Variants in EIF4E3 observed in about 807,000 individuals in gnomAD.
The protein encoded by EIF4E3 is eukaryotic translation initiation factor 4E type 3.
EIF4E3 carries 26 observed loss-of-function variants against 31.7 expected under a neutral mutation model. That is an observed-to-expected ratio of 0.82 (90% confidence interval 0.60 to 1.14). The LOEUF is 1.14. Ranked by LOEUF, EIF4E3 falls within the 50% of genes most tolerant of loss-of-function variation. The probability of loss-of-function intolerance (pLI) is 0.00; values close to 1 mark genes in which losing one functional copy is unlikely to be tolerated. For missense variants in EIF4E3, 304 were observed against 270.9 expected (o/e 1.12, Z -0.86); for synonymous variants, 128 against 107.7 (o/e 1.19, Z -1.17).
rs115386501 is a variant in EIF4E3, at chr3:71,743,202, T to C, written c.-291+10261A>G. Among the ~76,000 whole-genome samples, 482 of 152,220 alleles carry C rather than the reference T, an allele frequency of 3.2e-3. 1 individual carries two copies. Among genetic ancestry groups the C allele is most frequent in the African/African-American group, 0.011 (463 of 41,562 alleles). On this transcript the variant is annotated intron_variant, in intron 1 of 7. Coordinates refer to the EIF4E3 transcript ENST00000295612. ...CATCCAGACTGAAAAAACGGTAACA[T>C]TGTCTATTCCAGACAAGACGCATGT...
At chr3:71,728,900 C>T (rs1367651312), upstream of EIF4E3, among the ~76,000 whole-genome samples, 3 of 152,232 alleles carry the variant, frequency 2.0e-5, no homozygotes, top group Non-Finnish European at 4.4e-5. Context: ...GGGTAACCTG[C>T]CCAAGGTCAC....
chr3:71,686,543 A>AGTGTGTGTGT (rs61264269), intron 6 of EIF4E3, among the ~76,000 whole-genome samples: 1,881 of 143,570 alleles, frequency 0.013, 14 homozygotes, highest in East Asian at 0.02. Flanking sequence ...TTTCACATTG[A>AGTGTGTGTGT]GTGTGTGTGT....
At chr3:71,742,979 T>C (rs556925406) in intron 1 of EIF4E3, among the ~76,000 whole-genome samples, 2 of 152,114 alleles carry the variant, frequency 1.3e-5, no homozygotes, top group African/African-American at 4.8e-5. Flanking sequence ...CTCAGCAAAG[T>C]AGGAATGGAA....
At chr3:71,668,341 T>C in the EIF4E3 span, among the ~76,000 whole-genome samples, 1 of 152,248 alleles carries the variant, frequency 6.6e-6, no homozygotes, top group African/African-American at 2.4e-5. Context: ...GACATAGGCA[T>C]GGGCAAAGAC....
At chr3:71,725,419 G>C (rs2049621804), upstream of EIF4E3, 1 of 973,028 alleles carries the variant, frequency 1.0e-6, no homozygotes, top group Non-Finnish European at 1.2e-6. The surrounding 1 kb of genome is among the most constrained non-coding windows in gnomAD (Gnocchi z 6.1). Context: ...CGGGGCGAGC[G>C]CGGCTGAGTC....
intron 3 of EIF4E3, among the ~76,000 whole-genome samples, chr3:71,698,239 G>C (rs549005522): frequency 1.6e-3 from 241 of 152,292 alleles, no homozygotes; most frequent in Non-Finnish European, 2.5e-3. Flanking sequence ...TGGCTACATG[G>C]GCAGGGAGGG....
At chr3:71,726,149 AC>A (rs140121882), upstream of EIF4E3, among the ~76,000 whole-genome samples, 10,827 of 152,170 alleles carry the variant, frequency 0.071, 490 homozygotes, top group Non-Finnish European at 0.098. Flanking sequence ...CCCCATCCCA[AC>A]CTCTGGAGCT....
chr3:71,697,472 T>A (rs1293594387), intron 3 of EIF4E3, among the ~76,000 whole-genome samples: 1 of 152,232 alleles, frequency 6.6e-6, no homozygotes, highest in Non-Finnish European at 1.5e-5. Context: ...CATAATAAAT[T>A]ATTGTTAACT....
the EIF4E3 span, among the ~76,000 whole-genome samples, chr3:71,664,843 C>G: frequency 6.6e-6 from 1 of 152,094 alleles, no homozygotes; most frequent in Non-Finnish European, 1.5e-5. Context: ...CCACTGCACT[C>G]CAGCCTAGGC....
At chr3:71,725,859 C>T (rs2049631779), upstream of EIF4E3, among the ~76,000 whole-genome samples, 1 of 151,930 alleles carries the variant, frequency 6.6e-6, no homozygotes, top group African/African-American at 2.4e-5. This position sits in a 1 kb window ranked among gnomAD's most constrained non-coding sequence, Gnocchi z 6.1. Context: ...GACATACCAG[C>T]AGTCAGAAGG....
Position 71,677,215 on chromosome 3 carries a change from G to A in EIF4E3, c.*7467C>T, listed in dbSNP as rs1213730329. 1.3e-5 allele frequency: 2 copies of A among 152,226 alleles called. No homozygotes were observed. Among genetic ancestry groups the A allele is most frequent in the Non-Finnish European group, 2.9e-5 (2 of 68,048 alleles). 9.4% of individuals were successfully genotyped at this position (152,226 alleles called of 1,614,324 possible). A position where few individuals can be genotyped will look rare whatever the true frequency, so the allele number is the denominator to read the frequency against. ...GCACCACAGCCTAGCCAGATGATGG[G>A]AAATAGAAACATATTTTAATGACAT... On this transcript the variant is annotated 3_prime_UTR_variant, in exon 7 of 7. Coordinates refer to ENST00000425534, the MANE Select transcript of EIF4E3 (RefSeq NM_001134651.2).
intron 1 of EIF4E3, among the ~76,000 whole-genome samples, chr3:71,723,287 A>G (rs892376257): frequency 6.6e-6 from 1 of 152,256 alleles, no homozygotes; most frequent in Non-Finnish European, 1.5e-5. Context: ...GGATTCCCAC[A>G]GAAGGAGAAA....
intron 6 of EIF4E3, among the ~76,000 whole-genome samples, chr3:71,686,543 AGTGTGTGTGTGTGTGT>A (rs61264269): frequency 7.0e-6 from 1 of 143,498 alleles, no homozygotes; most frequent in Non-Finnish European, 1.5e-5. Flanking sequence ...TTTCACATTG[AGTGTGTGTGTGTGTGT>A]GTGTGTGTGT....
the EIF4E3 span, among the ~76,000 whole-genome samples, chr3:71,669,367 G>A: frequency 6.6e-6 from 1 of 152,080 alleles, no homozygotes; most frequent in Non-Finnish European, 1.5e-5. Context: ...AAACCTGCAT[G>A]TTCTGCACAT....
intron 6 of EIF4E3, among the ~76,000 whole-genome samples, chr3:71,686,350 GC>G (rs2048991061): frequency 6.6e-6 from 1 of 152,018 alleles, no homozygotes; most frequent in African/African-American, 2.4e-5. Flanking sequence ...GATGGAACGG[GC>G]CTATTTTCCC....
In EIF4E3 at chr3:71,725,273, AGCGGCGGCTCGGGGGCGGCGGCAGCG is replaced by A. The variant is rs1308428444; in HGVS notation, c.69_94del (p.Ala24ArgfsTer11). On this transcript the variant is annotated frameshift_variant, in exon 1 of 7. Transcript: ENST00000425534. LOFTEE classifies it high-confidence loss of function. This position sits in a 1 kb window ranked among gnomAD's most constrained non-coding sequence, Gnocchi z 6.1. ...CAGCGCCGACAGCTGCTGCAGGCCG[AGCGGCGGCTCGGGGGCGGCGGCAGCG>A]GCGGCGGCGCGGGACCCCGGCGGCT... 3 of 1,027,572 alleles carry A rather than the reference AGCGGCGGCTCGGGGGCGGCGGCAGCG, an allele frequency of 2.9e-6. No homozygotes were observed. In the African/African-American group the frequency reaches 5.2e-5, roughly 18 times the overall value. The allele number at this position is 1,027,572 out of a possible 1,614,324, so 63.7% of individuals were successfully genotyped here. A position where few individuals can be genotyped will look rare whatever the true frequency, so the allele number is the denominator to read the frequency against.
At chr3:71,666,115 C>CA in the EIF4E3 span, among the ~76,000 whole-genome samples, 1 of 151,886 alleles carries the variant, frequency 6.6e-6, no homozygotes, top group East Asian at 1.9e-4. Context: ...CTGAAGGAGA[C>CA]AGAGACATGA....
intron 2 of EIF4E3, among the ~76,000 whole-genome samples, chr3:71,704,266 G>C (rs1268728600): frequency 6.6e-6 from 1 of 152,220 alleles, no homozygotes; most frequent in Non-Finnish European, 1.5e-5. Flanking sequence ...AGCTTGGAGA[G>C]AGAGGACAGT....
At chr3:71,699,789 A>G (rs2049189724) in intron 2 of EIF4E3, 81 bp from the exon 3 acceptor site, 1 of 1,198,736 alleles carries the variant, frequency 8.3e-7, no homozygotes. Flanking sequence ...TTAATGCATT[A>G]AAGAAAAATT....
Sources: allele counts gnomAD v4.1 joint callset (sites outside exome capture counted in the v4.1 genomes callset), GRCh38; gene constraint gnomAD v4.1.1; non-coding constraint Gnocchi (gnomAD v3.1); transcripts MANE v1.5; gene names NCBI Gene and HGNC (gene_info 2026-07-23, HGNC 2026-07-21).